GABRA3: variants seen among roughly 807,000 people sequenced by gnomAD.
GABRA3 encodes the protein gamma-aminobutyric acid receptor subunit alpha-3.
Under a neutral mutation model 30.1 loss-of-function variants are expected in GABRA3, and 10 were observed. The ratio of observed to expected loss-of-function variants is 0.33; its 90% CI spans 0.20 to 0.56. GABRA3 has a LOEUF of 0.56. Ranked by LOEUF, GABRA3 falls within the 20% of genes least tolerant of loss-of-function variation. The pLI is 0.89. For synonymous variants in GABRA3, 151 were observed against 146.8 expected (o/e 1.03, Z -0.21); for missense variants, 233 against 392.0 (o/e 0.59, Z 3.42).
At position 152,253,718 on chromosome X, in the gene GABRA3, G is replaced by T. The variant is rs777525707; in HGVS notation, c.551+2060C>A. On this transcript the variant is annotated intron_variant, in intron 5 of 9. Coordinates refer to ENST00000370314, the MANE Select transcript of GABRA3 (RefSeq NM_000808.4). ...TAACTACAGAGCCATATATGAAATA[G>T]AAAACTGACCACCTCAGTCTCTTGC... Among the ~76,000 whole-genome samples, 12 of 111,426 alleles carry T rather than the reference G, an allele frequency of 1.1e-4. 1 individual carries two copies. The South Asian group carries it at 4.1e-3, about 38-fold the overall frequency.
intron 5 of GABRA3, among the ~76,000 whole-genome samples, chrX:152,236,469 C>G (rs2124395107): frequency 1.1e-5 from 1 of 94,059 alleles, no homozygotes; most frequent in Admixed American, 1.2e-4. Flanking sequence ...GTGCATGTGT[C>G]TTTATAGCAG....
intron 5 of GABRA3, among the ~76,000 whole-genome samples, chrX:152,255,492 G>A (rs1166787897): frequency 9.0e-6 from 1 of 111,500 alleles, no homozygotes; most frequent in African/African-American, 3.3e-5. Context: ...ATGTCCTTCT[G>A]TGTTAGTCCA....
intron 9 of GABRA3, among the ~76,000 whole-genome samples, chrX:152,184,019 C>G (rs181194980): frequency 2.7e-5 from 3 of 110,541 alleles, no homozygotes; most frequent in Non-Finnish European, 5.7e-5. Context: ...TACTTATAGA[C>G]TGATTTCCTT....
At position 152,410,247 on chromosome X, in the gene GABRA3, G is replaced by A. The variant is rs183622148; in HGVS notation, c.-27+40899C>T. On this transcript the variant is annotated intron_variant, in intron 1 of 9. Transcript: ENST00000370314. ...AGGGTTGTGGGGGGAAGGATAAAGA[G>A]GTAATGGTTATTGAGCACAAATATA... is the stretch of plus-strand genomic sequence containing the variant. Among the ~76,000 whole-genome samples, 14 of 111,588 alleles carry A rather than the reference G, an allele frequency of 1.3e-4. No individual in the cohort carries two copies. The East Asian group carries it at 3.9e-3, about 31-fold the overall frequency.
intron 6 of GABRA3, among the ~76,000 whole-genome samples, chrX:152,220,949 C>A (rs751206138): frequency 2.7e-5 from 3 of 109,883 alleles, no homozygotes; most frequent in African/African-American, 6.6e-5. Flanking sequence ...TTTTTTCTAT[C>A]GAGGTTTCAG....
chrX:152,359,147 T>C (rs1603247444), intron 2 of GABRA3, among the ~76,000 whole-genome samples: 1 of 111,884 alleles, frequency 8.9e-6, no homozygotes, highest in South Asian at 3.7e-4. Flanking sequence ...AGTTCTTCTT[T>C]ATATATCTGG....
At chrX:152,263,933 A>T (rs1377962568) in intron 4 of GABRA3, among the ~76,000 whole-genome samples, 1 of 112,105 alleles carries the variant, frequency 8.9e-6, no homozygotes, top group East Asian at 2.8e-4. Flanking sequence ...TGACATATTT[A>T]AAGTACTGAA....
rs748264944 is a variant in GABRA3, at chrX:152,382,022, CTATCCATCTGA to C, written c.-26-17437_-26-17427del. On this transcript the variant is annotated intron_variant, in intron 1 of 9. Transcript: ENST00000370314. ...GCCGCAACAAACATACGTGTGCAAC[CTATCCATCTGA>C]CAAAGGGTTAACATCCAGAATCTAC... 2.7e-5 allele frequency among the ~76,000 whole-genome samples: 3 copies of C among 111,539 alleles called. 1 individual carries two copies. In the South Asian group the frequency reaches 1.1e-3, roughly 42 times the overall value.
Position 152,197,165 on chromosome X carries a change from C to T in GABRA3, c.931+468G>A, listed in dbSNP as rs1937399762. Among the ~76,000 whole-genome samples, 5 of 111,733 alleles carry T rather than the reference C, an allele frequency of 4.5e-5. No individual in the cohort carries two copies. The South Asian group carries it at 1.9e-3, about 42-fold the overall frequency. On this transcript the variant is annotated intron_variant, in intron 8 of 9. Transcript: ENST00000370314. ...TTGATCGTGGGTACTATTAAGAAAT[C>T]CTTTAAACTGTGTGTGGCCTTTACA...
intron 8 of GABRA3, 91 bp from the exon 9 acceptor site, chrX:152,190,032 G>A (rs1937302663): frequency 1.6e-6 from 1 of 629,959 alleles, no homozygotes. Context: ...GAAAGGAGAA[G>A]CTTTACCCCA....
At chrX:152,174,654 T>C (rs182058457) in intron 9 of GABRA3, among the ~76,000 whole-genome samples, 61 of 112,186 alleles carry the variant, frequency 5.4e-4, no homozygotes, top group African/African-American at 1.9e-3. Flanking sequence ...TTTTTTCTTG[T>C]AAATTTGTTT....
rs774296275 is a variant in GABRA3 at position 152,400,478 on chromosome X, C to T, written c.-26-35882G>A. ...GAGCTGTGATCTCGCCACTGCACTC[C>T]CGCCTGGGCAACACAGTAAGACCCT... On this transcript the variant is annotated intron_variant, in intron 1 of 9. Coordinates refer to ENST00000370314, the MANE Select transcript of GABRA3 (RefSeq NM_000808.4). 3.6e-5 allele frequency among the ~76,000 whole-genome samples: 4 copies of T among 111,054 alleles called. No individual in the cohort carries two copies. In the East Asian group the frequency reaches 1.1e-3, roughly 31 times the overall value.
rs960649591 is a variant in GABRA3, at chrX:152,184,076, CTTTTT to C, written c.1143+5649_1143+5653del. Among the ~76,000 whole-genome samples the C allele has an allele frequency of 1.5e-4, 16 of 109,643 alleles. 1 individual carries two copies. Among genetic ancestry groups the C allele is most frequent in the African/African-American group, 2.6e-4 (8 of 30,220 alleles). ...TATTGAAATTTTTATTTTGGCAATT[CTTTTT>C]ATTTTCAATACCTCTTCCTTATTCT... On this transcript the variant is annotated intron_variant, in intron 9 of 9. Transcript: ENST00000370314.
rs149395916 is a variant in GABRA3, at chrX:152,423,386, G to C, written c.-27+27760C>G. 3.9e-4 allele frequency among the ~76,000 whole-genome samples: 44 copies of C among 112,159 alleles called. No individual in the cohort carries two copies. The East Asian group carries it at 0.012, about 31-fold the overall frequency. On this transcript the variant is annotated intron_variant, in intron 1 of 9. Coordinates refer to ENST00000370314, the MANE Select transcript of GABRA3 (RefSeq NM_000808.4). ...AAGAATAAGTGAAATTAAATCAAGG[G>C]TTCCAGGAATAGATTCATATGTATA... is the stretch of plus-strand genomic sequence containing the variant.
At chrX:152,281,012 G>T (rs992816676) in intron 4 of GABRA3, among the ~76,000 whole-genome samples, 1 of 110,742 alleles carries the variant, frequency 9.0e-6, no homozygotes, top group Admixed American at 9.7e-5. Flanking sequence ...ACATGCTCAG[G>T]GACTAGAAGA....
intron 9 of GABRA3, among the ~76,000 whole-genome samples, chrX:152,172,811 G>A (rs1937019551): frequency 9.0e-6 from 1 of 111,650 alleles, no homozygotes. Context: ...GGAATGGGGA[G>A]TTGTTGTTTA....
At chrX:152,269,367 C>T (rs779450597) in intron 4 of GABRA3, among the ~76,000 whole-genome samples, 33 of 112,251 alleles carry the variant, frequency 2.9e-4, no homozygotes, top group Admixed American at 2.6e-3. Flanking sequence ...ATATACCACA[C>T]TCATTGATTG....
chrX:152,356,335 G>A (rs924396951), intron 2 of GABRA3, among the ~76,000 whole-genome samples: 5 of 111,664 alleles, frequency 4.5e-5, no homozygotes, highest in Admixed American at 9.5e-5. Flanking sequence ...TGGCTGTGGC[G>A]GCCAATGTAG....
At chrX:152,220,273 C>T in intron 6 of GABRA3, among the ~76,000 whole-genome samples, 2 of 111,655 alleles carry the variant, frequency 1.8e-5, no homozygotes, top group Middle Eastern at 9.3e-3. Flanking sequence ...CTTTTAACAG[C>T]ACATATTAGT....
Sources: gnomAD v4.1 joint callset for allele counts (sites outside exome capture counted in the v4.1 genomes callset) on GRCh38, gnomAD v4.1.1 for gene constraint, MANE v1.5 for transcripts, NCBI Gene and HGNC (gene_info 2026-07-23, HGNC 2026-07-21) for gene names.